Variants in MIA2 observed in about 807,000 individuals in gnomAD.
MIA2 encodes the protein MIA SH3 domain ER export factor 2, also known as melanoma inhibitory activity protein 2.
Under a neutral mutation model 167.8 loss-of-function variants are expected in MIA2, and 127 were observed. That is an observed-to-expected ratio of 0.76 (90% confidence interval 0.66 to 0.88). The LOEUF is 0.88. Among genes scored for constraint, MIA2 ranks in the 40% least tolerant of loss-of-function variants. The pLI is 0.00. For missense variants in MIA2, 1,690 were observed against 1,624.7 expected (o/e 1.04, Z -0.69); for synonymous variants, 552 against 541.9 (o/e 1.02, Z -0.26).
intron 3 of MIA2, among the ~76,000 whole-genome samples, chr14:39,241,217 G>A (rs530827889): frequency 6.6e-6 from 1 of 152,212 alleles, no homozygotes; most frequent in East Asian, 1.9e-4. Context: ...GGGCTTCAAG[G>A]GAATCAGGAG....
chr14:39,383,652 A>C (rs1200539713), intron 23 of MIA2, among the ~76,000 whole-genome samples: 2 of 152,268 alleles, frequency 1.3e-5, no homozygotes, highest in Non-Finnish European at 2.9e-5. Flanking sequence ...TTGTGAATGC[A>C]AAGGAGAAGT....
rs749441423 is a variant in MIA2 at position 39,252,750 on chromosome 14, A to G, written c.1570A>G (p.Met524Val). ...IFKSSYSLSD[M>V]VSNIELPTRI... ...CATTTCTTTTTATTTATTTGTAGAT[A>G]TGGTCTCTAACATAGAGTTACCTAC... The change falls in exon 5 of 29, where the codon ATG (methionine) becomes GTG (valine). Residue 524 changes from methionine (M) to valine (V), a missense_variant and splice_region_variant. Physicochemically the swap from Met to Val is conservative, Grantham distance 21. Coordinates refer to ENST00000640607, the MANE Select transcript of MIA2 (RefSeq NM_001329214.4). 7 of 1,599,536 alleles carry G rather than the reference A, an allele frequency of 4.4e-6. No individual in the cohort carries two copies. Among genetic ancestry groups the G allele is most frequent in the South Asian group, 1.1e-5 (1 of 89,316 alleles).
At chr14:39,267,456 C>T (rs775808300) in intron 6 of MIA2, 16 of 1,612,318 alleles carry the variant, frequency 9.9e-6, no homozygotes, top group Middle Eastern at 3.9e-4. Flanking sequence ...GCAGCTTTGG[C>T]GCTATGGAGG....
At chr14:39,241,171 T>C (rs1016529869) in intron 3 of MIA2, among the ~76,000 whole-genome samples, 1 of 152,192 alleles carries the variant, frequency 6.6e-6, no homozygotes, top group African/African-American at 2.4e-5. Context: ...TACATCCTCT[T>C]TTGCTGTTGG....
chr14:39,238,549 C>T (rs926083333), intron 2 of MIA2, among the ~76,000 whole-genome samples: 1 of 151,920 alleles, frequency 6.6e-6, no homozygotes. Flanking sequence ...AATATCAGCA[C>T]TTTGGGAAGC....
In MIA2 at chr14:39,315,314, A is replaced by T. The variant is rs191466344; in HGVS notation, c.3181-369A>T. The T allele has an allele frequency of 7.7e-3, 1,292 of 167,024 alleles. 13 individuals are homozygous for T. Among genetic ancestry groups the T allele is most frequent in the African/African-American group, 0.028 (1,192 of 41,878 alleles). The allele number at this position is 167,024 out of a possible 1,614,324, so 10.3% of individuals were successfully genotyped here. ...GTGAGACTCCGTCTCAAAAAAAAAA[A>T]AAAATAAAATAAATAAAATTGCCGT... is the stretch of plus-strand genomic sequence containing the variant. On this transcript the variant is annotated intron_variant, in intron 20 of 28. Transcript: ENST00000640607.
Position 39,345,947 on chromosome 14 carries a change from C to T in MIA2, c.3699C>T (p.Asp1233=), listed in dbSNP as rs2073145897. ...PDSALPPQRQ[D]RFCSNSGRLS... is the part of the protein sequence containing the mutation. ...CAGCCCTTCCTCCACAAAGGCAAGA[C>T]AGATTTTGTTCTAATTCTGGTAGAC... The change falls in exon 26 of 29, where the codon GAC becomes GAT. Residue 1233 remains aspartate, a synonymous_variant. Coordinates refer to ENST00000640607, the MANE Select transcript of MIA2 (RefSeq NM_001329214.4). The T allele has an allele frequency of 6.2e-7, 1 of 1,611,876 alleles. No individual in the cohort carries two copies.
chr14:39,321,061 A>G lies in MIA2; in HGVS notation c.3496+5A>G, dbSNP rs1595575064. The stretch of plus-strand genomic sequence containing the variant: ...TTCCAGGGGGAGGAGGAAGAGGTAT[A>G]TTGTTTAAACATCTTTATTACTCTA... On this transcript the variant is annotated splice_donor_5th_base_variant and intron_variant, in intron 24 of 28. Transcript: ENST00000640607. 6.2e-7 allele frequency: 1 copy of G among 1,609,402 alleles called. No individual in the cohort carries two copies. Among genetic ancestry groups the G allele is most frequent in the Non-Finnish European group, 8.5e-7 (1 of 1,178,478 alleles).
At chr14:39,333,281 T>G (rs911854098) in intron 25 of MIA2, among the ~76,000 whole-genome samples, 60 of 152,320 alleles carry the variant, frequency 3.9e-4, no homozygotes, top group African/African-American at 1.3e-3. Context: ...AGAGTGTTAC[T>G]GGTCTTGCTG....
intron 21 of MIA2, among the ~76,000 whole-genome samples, chr14:39,317,728 G>C (rs1213942481): frequency 1.3e-5 from 2 of 152,134 alleles, no homozygotes; most frequent in Non-Finnish European, 2.9e-5. Flanking sequence ...AACAGCCGAA[G>C]GTCATGGACT....
intron 9 of MIA2, among the ~76,000 whole-genome samples, chr14:39,288,469 A>ATTTTTTT (rs1289953072): frequency 3.8e-5 from 2 of 52,708 alleles, no homozygotes; most frequent in Non-Finnish European, 5.9e-5. Flanking sequence ...ATATATATAT[A>ATTTTTTT]TATATATTTT....
chr14:39,369,361 G>A (rs956580996), intron 23 of MIA2, among the ~76,000 whole-genome samples: 3 of 152,218 alleles, frequency 2.0e-5, no homozygotes, highest in Admixed American at 6.5e-5. Context: ...CAGGCTCACT[G>A]CCTTGTGCTT....
At chr14:39,279,921 C>G (rs962107991) in intron 9 of MIA2, among the ~76,000 whole-genome samples, 2 of 152,146 alleles carry the variant, frequency 1.3e-5, no homozygotes, top group Admixed American at 6.5e-5. Context: ...GGCCTTGTCT[C>G]CAAATACAGT....
intron 9 of MIA2, among the ~76,000 whole-genome samples, chr14:39,287,931 A>G (rs60367463): frequency 0.019 from 2,918 of 151,692 alleles, 104 homozygotes; most frequent in African/African-American, 0.067. Flanking sequence ...TGCAGCCTCA[A>G]CCTCCTGGGG....
At chr14:39,293,543 C>G (rs1391450514) in intron 11 of MIA2, among the ~76,000 whole-genome samples, 162 bp downstream of exon 11, 3 of 152,200 alleles carry the variant, frequency 2.0e-5, no homozygotes, top group African/African-American at 4.8e-5. Flanking sequence ...TTCACTTCCC[C>G]CAGATGTTAC....
Position 39,247,334 on chromosome 14 carries a change from A to C in MIA2, c.760A>C (p.Arg254=). The C allele has an allele frequency of 6.2e-7, 1 of 1,614,124 alleles. No homozygotes were observed. Among genetic ancestry groups the C allele is most frequent in the Non-Finnish European group, 8.5e-7 (1 of 1,180,010 alleles). ...TGTACAAGAAAGCTCATTTCGGAGT[A>C]GAAAAATAGCAGTGGAAGATGAGAA... ...EPVQESSFRS[R]KIAVEDENDL... The change falls in exon 4 of 29, where the codon AGA becomes CGA. Residue 254 remains arginine, a synonymous_variant. Coordinates refer to ENST00000640607, the MANE Select transcript of MIA2 (RefSeq NM_001329214.4).
chr14:39,351,066 G>A (rs985278283), downstream of MIA2: 5 of 152,126 alleles, frequency 3.3e-5, no homozygotes, highest in African/African-American at 9.6e-5. Flanking sequence ...ATCATTTTGA[G>A]CTTTGGACTC....
intron 6 of MIA2, among the ~76,000 whole-genome samples, chr14:39,268,353 A>G (rs1054636303): frequency 1.3e-5 from 2 of 152,134 alleles, no homozygotes; most frequent in African/African-American, 4.8e-5. Flanking sequence ...ATACGCATAT[A>G]TATGTATTTA....
rs993898817 is a variant in MIA2, at chr14:39,327,965, A to C, written c.3655+943A>C. On this transcript the variant is annotated intron_variant, in intron 25 of 28. Coordinates refer to ENST00000640607, the MANE Select transcript of MIA2 (RefSeq NM_001329214.4). ...GTGTCTTTATAGTAGAATGATTTAT[A>C]ATCCTTTGGGTATATACCCAGTAAT... is the stretch of plus-strand genomic sequence containing the variant. Among the ~76,000 whole-genome samples the C allele has an allele frequency of 2.0e-5, 3 of 152,316 alleles. 1 individual carries two copies. Among genetic ancestry groups the C allele is most frequent in the Middle Eastern group, 6.8e-3 (2 of 294 alleles).
Sources: allele counts gnomAD v4.1 joint callset (sites outside exome capture counted in the v4.1 genomes callset), GRCh38; gene constraint gnomAD v4.1.1; transcripts MANE v1.5; gene names NCBI Gene and HGNC (gene_info 2026-07-23, HGNC 2026-07-21).